The following LINGO2 variants were observed in gnomAD, a reference collection of about 807,000 sequenced individuals.
The protein encoded by LINGO2 is leucine rich repeat and Ig domain containing 2, also known as leucine-rich repeat and immunoglobulin-like domain-containing nogo receptor-interacting protein 2.
A neutral mutation model predicts 30.6 loss-of-function variants in LINGO2; 14 were observed. The observed-to-expected ratio is 0.46, with a 90% confidence interval of 0.30 to 0.72. The LOEUF (loss-of-function observed/expected upper bound fraction) is 0.72. Ranked by LOEUF, LINGO2 falls within the 30% of genes least tolerant of loss-of-function variation. The probability of loss-of-function intolerance (pLI) is 0.07; values close to 1 mark genes in which losing one functional copy is unlikely to be tolerated. For missense variants in LINGO2, 729 were observed against 751.7 expected (o/e 0.97, Z 0.35); for synonymous variants, 317 against 288.5 (o/e 1.10, Z -1.00).
At chr9:28,445,978 G>T (rs1403262919) in intron 2 of LINGO2, among the ~76,000 whole-genome samples, 3 of 152,074 alleles carry the variant, frequency 2.0e-5, no homozygotes, top group Non-Finnish European at 2.9e-5. Flanking sequence ...CTGTGCAAAT[G>T]GTTACAAAGT....
At chr9:28,981,703 A>G in the LINGO2 span, among the ~76,000 whole-genome samples, 2 of 152,096 alleles carry the variant, frequency 1.3e-5, no homozygotes, top group Non-Finnish European at 2.9e-5. Flanking sequence ...CCACATATCC[A>G]CTGTTTCAAA....
chr9:28,915,222 G>A, the LINGO2 span, among the ~76,000 whole-genome samples: 1 of 152,136 alleles, frequency 6.6e-6, no homozygotes, highest in African/African-American at 2.4e-5. Flanking sequence ...AGTACCCAAT[G>A]CTTAGCAAGC....
chr9:28,026,419 T>G (rs1419070526), intron 4 of LINGO2, among the ~76,000 whole-genome samples: 3 of 152,190 alleles, frequency 2.0e-5, no homozygotes, highest in Non-Finnish European at 2.9e-5. Flanking sequence ...AGGCACAGGT[T>G]GCTGGGCCCC....
At chr9:28,241,418 G>T (rs1056628382) in intron 4 of LINGO2, among the ~76,000 whole-genome samples, 20 of 152,062 alleles carry the variant, frequency 1.3e-4, no homozygotes, top group Non-Finnish European at 4.4e-5. Context: ...GGTAACCGAG[G>T]TATCAGGGTT....
chr9:28,278,126 G>T (rs1387540688), intron 4 of LINGO2, among the ~76,000 whole-genome samples: 1 of 152,176 alleles, frequency 6.6e-6, no homozygotes, highest in Admixed American at 6.5e-5. Context: ...TCCAGAGCAA[G>T]ACCCTGACTC....
intron 1 of LINGO2, among the ~76,000 whole-genome samples, chr9:28,663,114 C>A (rs1353586361): frequency 6.6e-6 from 1 of 151,598 alleles, no homozygotes; most frequent in African/African-American, 2.4e-5. Context: ...TTTCAAGCTT[C>A]TTTTCTGCCG....
the LINGO2 span, among the ~76,000 whole-genome samples, chr9:28,970,200 G>C: frequency 1.3e-5 from 2 of 152,124 alleles, no homozygotes; most frequent in Non-Finnish European, 2.9e-5. Flanking sequence ...AAAAGAGATT[G>C]AAAAGAAGTG....
At position 28,519,749 on chromosome 9, in the gene LINGO2, C is replaced by T. The variant is rs368124773; in HGVS notation, c.-364-43724G>A. The stretch of plus-strand genomic sequence containing the variant: ...GACTGCAGCTTGTCTTTTACCCTCA[C>T]TACTGGGGTTTTTGACAGAGAAAGA... On this transcript the variant is annotated intron_variant, in intron 1 of 5. Coordinates refer to ENST00000379992, the Ensembl canonical transcript of LINGO2. 2.4e-4 allele frequency among the ~76,000 whole-genome samples: 37 copies of T among 152,276 alleles called. No homozygotes were observed. The East Asian group carries it at 4.1e-3, about 17-fold the overall frequency.
At chr9:28,381,506 T>C (rs529021506) in intron 2 of LINGO2, among the ~76,000 whole-genome samples, 84 of 152,230 alleles carry the variant, frequency 5.5e-4, no homozygotes, top group Non-Finnish European at 1.0e-3. Context: ...AAATATGTCT[T>C]TGTAATTTAG....
At chr9:28,177,170 T>C (rs1587145122) in intron 4 of LINGO2, among the ~76,000 whole-genome samples, 1 of 152,198 alleles carries the variant, frequency 6.6e-6, no homozygotes, top group African/African-American at 2.4e-5. Flanking sequence ...GATAGGATTT[T>C]CCTACTATGC....
chr9:28,111,166 C>T (rs1267039066), intron 4 of LINGO2, among the ~76,000 whole-genome samples: 2 of 152,062 alleles, frequency 1.3e-5, no homozygotes, highest in African/African-American at 4.8e-5. Context: ...TGTTCTCACT[C>T]ATAAGTGGGA....
rs374430149 is a variant in LINGO2 at position 28,106,612 on chromosome 9, G to A, written c.-86-94207C>T. 2.4e-3 allele frequency among the ~76,000 whole-genome samples: 363 copies of A among 152,198 alleles called. 3 individuals carry two copies. Among genetic ancestry groups the A allele is most frequent in the African/African-American group, 8.3e-3 (344 of 41,530 alleles). On this transcript the variant is annotated intron_variant, in intron 4 of 5. Transcript: ENST00000379992. ...CAAGTTTACTGCTCTAGTCTTACCT[G>A]TTTCTTCCTTCAGCATCTCTTCACA... is the stretch of plus-strand genomic sequence containing the variant.
At chr9:28,563,039 G>A (rs898050853) in intron 1 of LINGO2, among the ~76,000 whole-genome samples, 1 of 152,002 alleles carries the variant, frequency 6.6e-6, no homozygotes, top group African/African-American at 2.4e-5. Flanking sequence ...TAGAGATGGG[G>A]TTTCACCATG....
At chr9:29,021,786 G>A in the LINGO2 span, among the ~76,000 whole-genome samples, 2 of 151,676 alleles carry the variant, frequency 1.3e-5, no homozygotes, top group Admixed American at 6.6e-5. Flanking sequence ...CATATATCAA[G>A]ACAATAAATG....
At chr9:28,501,331 G>T (rs1392477977) in intron 1 of LINGO2, among the ~76,000 whole-genome samples, 1 of 152,074 alleles carries the variant, frequency 6.6e-6, no homozygotes, top group East Asian at 1.9e-4. Context: ...CCAGATGTTG[G>T]TAGAAAATAA....
chr9:28,987,547 C>T, the LINGO2 span, among the ~76,000 whole-genome samples: 1 of 151,884 alleles, frequency 6.6e-6, no homozygotes, highest in African/African-American at 2.4e-5. Flanking sequence ...TTTATTTCTG[C>T]CTTCTTCTTT....
Position 28,211,998 on chromosome 9 carries a change from A to T in LINGO2, c.-87+83210T>A, listed in dbSNP as rs1820610121. 2.6e-5 allele frequency among the ~76,000 whole-genome samples: 4 copies of T among 151,384 alleles called. No individual in the cohort carries two copies. The South Asian group carries it at 6.2e-4, about 24-fold the overall frequency. On this transcript the variant is annotated intron_variant, in intron 4 of 5. Coordinates refer to ENST00000379992, the Ensembl canonical transcript of LINGO2. ...CTTTTGCACCAACCTAATAGTTTAGACTTTAACTGGAGTTTAGCTGGTTTC... is the reference window on the plus strand; with the variant it reads ...CTTTTGCACCAACCTAATAGTTTAGTCTTTAACTGGAGTTTAGCTGGTTTC...
At chr9:28,587,580 G>A (rs956248821) in intron 1 of LINGO2, among the ~76,000 whole-genome samples, 1 of 151,814 alleles carries the variant, frequency 6.6e-6, no homozygotes, top group Non-Finnish European at 1.5e-5. Flanking sequence ...AGTATGCGAT[G>A]GGTATGATAA....
At chr9:29,054,330 T>G in the LINGO2 span, among the ~76,000 whole-genome samples, 9 of 152,222 alleles carry the variant, frequency 5.9e-5, no homozygotes, top group African/African-American at 1.9e-4. Flanking sequence ...TTACAGTGGC[T>G]AACTGTTCTT....
Sources: gnomAD v4.1 joint callset for allele counts (sites outside exome capture counted in the v4.1 genomes callset) on GRCh38, gnomAD v4.1.1 for gene constraint, MANE v1.5 for transcripts, NCBI Gene and HGNC (gene_info 2026-07-23, HGNC 2026-07-21) for gene names.